The following GALNTL6 variants were observed in gnomAD, a reference collection of about 807,000 sequenced individuals.
The protein encoded by GALNTL6 is polypeptide N-acetylgalactosaminyltransferase like 6.
Under a neutral mutation model 73.7 loss-of-function variants are expected in GALNTL6, and 46 were observed. The observed-to-expected ratio is 0.62, with a 90% confidence interval of 0.49 to 0.80. The LOEUF (loss-of-function observed/expected upper bound fraction) is 0.80, where lower values mean the gene tolerates loss of function less well. Ranked by LOEUF, GALNTL6 falls within the 30% of genes least tolerant of loss-of-function variation. The probability of loss-of-function intolerance (pLI) is 0.00; values close to 1 mark genes in which losing one functional copy is unlikely to be tolerated. For synonymous variants in GALNTL6, 259 were observed against 263.7 expected, an observed-to-expected ratio of 0.98 and a Z score of 0.17; for missense variants, 604 against 755.0, an observed-to-expected ratio of 0.80 and a Z score of 2.34.
At chr4:172,004,414 G>GT (rs963353132) in intron 2 of GALNTL6, among the ~76,000 whole-genome samples, 26 of 150,616 alleles carry the variant, frequency 1.7e-4, no homozygotes, top group East Asian at 3.9e-4. Context: ...GTTAATGGTG[G>GT]TTTTTTTTTC....
At chr4:172,633,070 G>A (rs1225933264) in intron 5 of GALNTL6, among the ~76,000 whole-genome samples, 4 of 152,204 alleles carry the variant, frequency 2.6e-5, no homozygotes, top group East Asian at 1.9e-4. Flanking sequence ...TCAAGGTCAG[G>A]GCCCTCATGG....
At chr4:172,729,805 G>A (rs1025481448) in intron 5 of GALNTL6, among the ~76,000 whole-genome samples, 1 of 152,214 alleles carries the variant, frequency 6.6e-6, no homozygotes, top group Admixed American at 6.5e-5. Flanking sequence ...CATTGAATAT[G>A]TAAATTACTT....
intron 5 of GALNTL6, among the ~76,000 whole-genome samples, chr4:172,761,754 C>A (rs1007044123): frequency 1.3e-4 from 20 of 151,652 alleles, no homozygotes; most frequent in African/African-American, 4.1e-4. Flanking sequence ...TACCTTCTGC[C>A]ATGATTGTAA....
intron 2 of GALNTL6, among the ~76,000 whole-genome samples, chr4:171,982,328 C>T (rs535626631): frequency 1.2e-4 from 18 of 152,198 alleles, no homozygotes; most frequent in African/African-American, 3.4e-4. Context: ...TACGGAGTCT[C>T]GCTCTGTCAC....
At chr4:172,684,596 G>GA (rs1448210022) in intron 5 of GALNTL6, among the ~76,000 whole-genome samples, 1 of 152,180 alleles carries the variant, frequency 6.6e-6, no homozygotes, top group Non-Finnish European at 1.5e-5. Flanking sequence ...AAAGGAAGAA[G>GA]AAACTGGATG....
chr4:172,848,740 A>G (rs1370437460), intron 7 of GALNTL6, among the ~76,000 whole-genome samples: 1 of 152,158 alleles, frequency 6.6e-6, no homozygotes, highest in African/African-American at 2.4e-5. Context: ...ACTCATTCTG[A>G]GAACTTCTTT....
At chr4:172,672,188 A>C (rs1732025334) in intron 5 of GALNTL6, among the ~76,000 whole-genome samples, 1 of 152,152 alleles carries the variant, frequency 6.6e-6, no homozygotes, top group African/African-American at 2.4e-5. Flanking sequence ...AGCATGCCTG[A>C]CCAATACCTA....
At chr4:172,440,555 T>G (rs1015044161) in intron 5 of GALNTL6, among the ~76,000 whole-genome samples, 8 of 152,092 alleles carry the variant, frequency 5.3e-5, no homozygotes, top group Admixed American at 3.3e-4. Flanking sequence ...ACTATAATGA[T>G]GGGTATCTGT....
chr4:172,544,593 CTCT>C lies in GALNTL6; in HGVS notation c.553+195911_553+195913del, dbSNP rs151119675. ...TCATACATATATATTATTTGTCTTC[CTCT>C]TCTTCTAAGGAGAAGAGGGCTTAAG... On this transcript the variant is annotated intron_variant, in intron 5 of 12. Coordinates refer to ENST00000506823, the MANE Select transcript of GALNTL6 (RefSeq NM_001034845.3). 5.5e-3 allele frequency among the ~76,000 whole-genome samples: 839 copies of C among 152,230 alleles called. 7 individuals are homozygous for C. The highest frequency in any genetic ancestry group is 0.03 in the Admixed American group (463 of 15,296).
chr4:171,886,650 G>A (rs553258927), intron 2 of GALNTL6, among the ~76,000 whole-genome samples: 8 of 152,242 alleles, frequency 5.3e-5, no homozygotes, highest in South Asian at 2.1e-4. Context: ...TGAAGGACAC[G>A]TGTCATATGG....
At chr4:172,902,500 C>T (rs1746678797) in intron 8 of GALNTL6, among the ~76,000 whole-genome samples, 1 of 152,140 alleles carries the variant, frequency 6.6e-6, no homozygotes, top group Non-Finnish European at 1.5e-5. Context: ...TCCCCAGGAG[C>T]TTGCCAACAT....
chr4:172,427,614 C>T (rs979513643), intron 5 of GALNTL6, among the ~76,000 whole-genome samples: 1 of 152,106 alleles, frequency 6.6e-6, no homozygotes, highest in Non-Finnish European at 1.5e-5. Context: ...AAATATACAA[C>T]AATTAATGAA....
intron 3 of GALNTL6, among the ~76,000 whole-genome samples, chr4:172,277,709 G>C (rs1738887418): frequency 6.6e-6 from 1 of 152,174 alleles, no homozygotes; most frequent in Non-Finnish European, 1.5e-5. Flanking sequence ...AAGTCAGTGT[G>C]ATATTTGGTT....
chr4:171,894,284 T>C (rs1476078034), intron 2 of GALNTL6, among the ~76,000 whole-genome samples: 4 of 152,074 alleles, frequency 2.6e-5, no homozygotes, highest in Non-Finnish European at 5.9e-5. Flanking sequence ...AAACAACCCA[T>C]GTAGAGCAAG....
At chr4:172,572,107 G>C (rs1218852917) in intron 5 of GALNTL6, among the ~76,000 whole-genome samples, 1 of 152,164 alleles carries the variant, frequency 6.6e-6, no homozygotes, top group Non-Finnish European at 1.5e-5. Flanking sequence ...CTCCTAGCAA[G>C]TCATCAGATC....
intron 12 of GALNTL6, 151 bp downstream of exon 12, chr4:173,021,776 C>A: frequency 1.3e-6 from 1 of 742,442 alleles, no homozygotes; most frequent in Admixed American, 2.6e-5. Flanking sequence ...GGCAGATCAC[C>A]TGAGGTTGGA....
intron 5 of GALNTL6, among the ~76,000 whole-genome samples, chr4:172,695,883 G>A (rs979510596): frequency 6.6e-6 from 1 of 152,000 alleles, no homozygotes; most frequent in Non-Finnish European, 1.5e-5. Flanking sequence ...AACCCAGGAG[G>A]TGGAGCTTGC....
intron 5 of GALNTL6, among the ~76,000 whole-genome samples, chr4:172,713,615 A>C (rs1166903992): frequency 6.6e-6 from 1 of 152,162 alleles, no homozygotes; most frequent in Non-Finnish European, 1.5e-5. Context: ...ATTAACTGTC[A>C]CATCTTCTTT....
At chr4:172,522,356 T>C (rs981827941) in intron 5 of GALNTL6, among the ~76,000 whole-genome samples, 7 of 152,184 alleles carry the variant, frequency 4.6e-5, no homozygotes, top group African/African-American at 1.7e-4. Context: ...TTCTCTTCCA[T>C]TCTCTGGTTA....
Sources: allele counts gnomAD v4.1 joint callset (sites outside exome capture counted in the v4.1 genomes callset), GRCh38; gene constraint gnomAD v4.1.1; transcripts MANE v1.5; gene names NCBI Gene and HGNC (gene_info 2026-07-23, HGNC 2026-07-21).